Variants in NFAT5 observed in about 807,000 individuals in gnomAD.
NFAT5 encodes the protein nuclear factor of activated T cells 5.
Under a neutral mutation model 166.5 loss-of-function variants are expected in NFAT5, and 31 were observed. The observed-to-expected ratio is 0.19, with a 90% CI of 0.14 to 0.25. The LOEUF (loss-of-function observed/expected upper bound fraction) is 0.25. NFAT5 is among the 10% of genes least tolerant of loss of function. The pLI is 1.00. For missense variants in NFAT5, 1,449 were observed against 1,821.8 expected, an observed-to-expected ratio of 0.80 and a Z score of 3.72; for synonymous variants, 612 against 639.7, an observed-to-expected ratio of 0.96 and a Z score of 0.65.
chr16:69,646,112 T>A (rs1460328208), intron 3 of NFAT5, among the ~76,000 whole-genome samples: 1 of 152,238 alleles, frequency 6.6e-6, no homozygotes, highest in Non-Finnish European at 1.5e-5. Flanking sequence ...CTAGTCACAA[T>A]CAACCAGGTC....
intron 2 of NFAT5, among the ~76,000 whole-genome samples, chr16:69,623,213 A>G (rs2034282931): frequency 6.6e-6 from 1 of 152,184 alleles, no homozygotes; most frequent in South Asian, 2.1e-4. Flanking sequence ...TCAACCTGGA[A>G]TGAGAAAGAT....
At chr16:69,690,801 A>G (rs999857693) in intron 11 of NFAT5, 139 bp from the exon 12 acceptor site, 3 of 594,788 alleles carry the variant, frequency 5.0e-6, no homozygotes, top group Non-Finnish European at 8.1e-6. Flanking sequence ...ATCTTAATAT[A>G]CCAGGTTTGT....
intron 2 of NFAT5, among the ~76,000 whole-genome samples, chr16:69,609,073 AT>A (rs1295591349): frequency 4.0e-5 from 6 of 151,414 alleles, no homozygotes; most frequent in Admixed American, 6.6e-5. Flanking sequence ...GTGAGCTAAG[AT>A]CATGCCACTG....
Position 69,698,673 on chromosome 16 carries a change from C to T in NFAT5, c.*2322C>T, listed in dbSNP as rs904659924. The T allele has an allele frequency of 6.6e-6, 1 of 152,388 alleles. No individual in the cohort carries two copies. Among genetic ancestry groups the T allele is most frequent in the Non-Finnish European group, 1.5e-5 (1 of 67,990 alleles). 9.4% of individuals were successfully genotyped at this position (152,388 alleles called of 1,614,324 possible). Reference sequence around the variant, plus strand: ...CAGCCAAGTGTTAGAGTCAGGAAACCCATTGAGGCAATGGCGTCAAATGGT... The same window carrying T: ...CAGCCAAGTGTTAGAGTCAGGAAACTCATTGAGGCAATGGCGTCAAATGGT... On this transcript the variant is annotated 3_prime_UTR_variant, in exon 15 of 15. Transcript: ENST00000349945.
At chr16:69,673,331 C>G (rs1174742051) in intron 9 of NFAT5, among the ~76,000 whole-genome samples, 1 of 151,724 alleles carries the variant, frequency 6.6e-6, no homozygotes, top group African/African-American at 2.4e-5. Context: ...TTCTTGGAAG[C>G]CTTTTCTTTG....
intron 2 of NFAT5, among the ~76,000 whole-genome samples, chr16:69,609,819 G>GAAAAAAAAAAAAAAAAAAAA: frequency 1.3e-5 from 1 of 75,324 alleles, no homozygotes; most frequent in Non-Finnish European, 2.7e-5. Flanking sequence ...TGTCTCTACT[G>GAAAAAAAAAAAAAAAAAAAA]AAAAAAAAAA....
chr16:69,619,606 C>G (rs745568403), intron 2 of NFAT5, among the ~76,000 whole-genome samples: 4 of 152,028 alleles, frequency 2.6e-5, no homozygotes, highest in African/African-American at 4.8e-5. Context: ...GCAAAGTGCT[C>G]AAAAAATAGT....
chr16:69,632,704 A>G (rs2034773242), intron 3 of NFAT5: 1 of 152,168 alleles, frequency 6.6e-6, no homozygotes, highest in Non-Finnish European at 1.5e-5. Flanking sequence ...TCCTGGGTTA[A>G]CATATTTCAG....
rs986249610 is a variant in NFAT5, at chr16:69,700,678, G to A, written c.*4327G>A. The A allele has an allele frequency of 3.9e-5, 6 of 151,944 alleles. No individual in the cohort carries two copies. The highest frequency in any genetic ancestry group is 6.5e-5 in the Admixed American group (1 of 15,282). 9.4% of individuals were successfully genotyped at this position (151,944 alleles called of 1,614,324 possible). Reference sequence around the variant, plus strand: ...ATGACCACAGGTTTTATCCCTAACCGAGACAGCTGTCTTATATCTGCATGC... The same window carrying A: ...ATGACCACAGGTTTTATCCCTAACCAAGACAGCTGTCTTATATCTGCATGC... On this transcript the variant is annotated 3_prime_UTR_variant, in exon 15 of 15. Coordinates refer to ENST00000349945, the MANE Select transcript of NFAT5 (RefSeq NM_138713.4).
intron 3 of NFAT5, 67 bp downstream of exon 3, chr16:69,626,595 T>C: frequency 7.6e-7 from 1 of 1,320,018 alleles, no homozygotes; most frequent in Non-Finnish European, 9.9e-7. Context: ...ACATGAACAG[T>C]GCTGGCAAAA....
chr16:69,673,931 T>C (rs760120032), intron 9 of NFAT5, among the ~76,000 whole-genome samples: 18 of 151,946 alleles, frequency 1.2e-4, no homozygotes, highest in Non-Finnish European at 2.4e-4. Context: ...ATTCATCAGG[T>C]ATTACACTTT....
chr16:69,648,401 C>G (rs1597466982), intron 4 of NFAT5: 1 of 981,814 alleles, frequency 1.0e-6, no homozygotes, highest in Non-Finnish European at 1.2e-6. Flanking sequence ...ATTCATGTAT[C>G]ATAAGCTTTT....
intron 4 of NFAT5, among the ~76,000 whole-genome samples, chr16:69,651,908 G>A (rs1236254084): frequency 6.6e-6 from 1 of 152,016 alleles, no homozygotes; most frequent in Non-Finnish European, 1.5e-5. Flanking sequence ...CTGACCTCAG[G>A]TGATCCACCC....
rs2037522955 is a variant in NFAT5, at chr16:69,690,969, A to C, written c.1804A>C (p.Lys602Gln). The C allele has an allele frequency of 6.3e-7, 1 of 1,590,478 alleles. No individual in the cohort carries two copies. ...GAAAACTACTGGATGTAATTTAGAT[A>C]AGGTAAATATTATCCCTAATGCCCT... ...AMKTTGCNLDKVNIIPNALMT... is the reference protein window; with the variant it reads ...AMKTTGCNLDQVNIIPNALMT... Residue 602 changes from lysine to glutamine, a missense_variant, in exon 12 of 15, where the codon AAG becomes CAG. By Grantham distance (53) the Lys-to-Gln change is moderately conservative. This residue lies in a region of NFAT5 where 245 missense variants were observed against 366.6 expected (regional missense o/e 0.67). Coordinates refer to ENST00000349945, the MANE Select transcript of NFAT5 (RefSeq NM_138713.4).
In NFAT5 at chr16:69,653,332, T is replaced by C. The variant is rs2035752828; in HGVS notation, c.909T>C (p.Val303=). 3.7e-6 allele frequency: 6 copies of C among 1,613,250 alleles called. No individual in the cohort carries two copies. In the East Asian group the frequency reaches 1.3e-4, roughly 36 times the overall value. ...VKSEGKELKI[V]VQPETQHRAR... ...GTGAGGGAAAGGAGCTGAAGATAGT[T>C]GTACAACCTGAGACACAGCACCGAG... The change falls in exon 5 of 15, where the codon GTT becomes GTC. Residue 303 remains valine, a synonymous_variant. Coordinates refer to ENST00000349945, the MANE Select transcript of NFAT5 (RefSeq NM_138713.4).
intron 2 of NFAT5, among the ~76,000 whole-genome samples, chr16:69,595,995 T>C (rs1483529459): frequency 6.6e-6 from 1 of 152,176 alleles, no homozygotes; most frequent in Non-Finnish European, 1.5e-5. Flanking sequence ...ATCATGCTAC[T>C]TAGAATGGTG....
intron 7 of NFAT5, among the ~76,000 whole-genome samples, chr16:69,664,441 C>T (rs750075790): frequency 7.9e-5 from 12 of 152,060 alleles, no homozygotes; most frequent in South Asian, 2.1e-4. Context: ...CCCATTACCA[C>T]GCCTGGCTAA....
chr16:69,691,971 C>A lies in NFAT5; in HGVS notation c.2146C>A (p.Leu716Met), dbSNP rs762746801. ...TCCAGCAGTTTCTGCTTCTAGTCAGCTGCCCAACAGCGATGCACTATTGCA... is the reference window on the plus strand; with the variant it reads ...TCCAGCAGTTTCTGCTTCTAGTCAGATGCCCAACAGCGATGCACTATTGCA... Reference protein sequence around the residue: ...TFPAVSASSQLPNSDALLQQA... With the variant: ...TFPAVSASSQMPNSDALLQQA... Residue 716 changes from leucine to methionine, a missense_variant, in exon 13 of 15, where the codon CTG becomes ATG. Around this residue, in one of 7 missense-constraint regions of NFAT5, gnomAD observed 891 missense variants for 993.0 expected, o/e 0.90. Transcript: ENST00000349945. 6.2e-7 allele frequency: 1 copy of A among 1,614,194 alleles called. No homozygotes were observed. The highest frequency in any genetic ancestry group is 8.5e-7 in the Non-Finnish European group (1 of 1,180,034).
At chr16:69,651,069 TAC>T (rs1189407575) in intron 4 of NFAT5, among the ~76,000 whole-genome samples, 2 of 152,364 alleles carry the variant, frequency 1.3e-5, no homozygotes, top group East Asian at 3.9e-4. Flanking sequence ...ATCTTTGATT[TAC>T]TTATGTCAAA....
Sources: allele counts gnomAD v4.1 joint callset (sites outside exome capture counted in the v4.1 genomes callset), GRCh38; gene constraint gnomAD v4.1.1; regional missense constraint gnomAD v4.1.1; transcripts MANE v1.5; gene names NCBI Gene and HGNC (gene_info 2026-07-23, HGNC 2026-07-21).